RAD50: variants seen among roughly 807,000 people sequenced by gnomAD.
RAD50 encodes the protein RAD50 double strand break repair protein.
Under a neutral mutation model 168.8 loss-of-function variants are expected in RAD50, and 132 were observed. That is an observed-to-expected ratio of 0.78 (90% CI 0.68 to 0.90). RAD50 has a LOEUF of 0.90. Among genes scored for constraint, RAD50 ranks in the 40% least tolerant of loss-of-function variants. The probability of loss-of-function intolerance (pLI) is 0.00; values close to 1 mark genes in which losing one functional copy is unlikely to be tolerated. For synonymous variants in RAD50, 525 were observed against 497.4 expected (o/e 1.06, Z -0.74); for missense variants, 1,347 against 1,534.4 (o/e 0.88, Z 2.04).
chr5:132,602,560 T>A (rs1327126860), intron 13 of RAD50, among the ~76,000 whole-genome samples: 1 of 152,116 alleles, frequency 6.6e-6, no homozygotes, highest in Non-Finnish European at 1.5e-5. Flanking sequence ...TTTCCTGTAA[T>A]TTAAAAAATT....
At chr5:132,641,170 A>G (rs1310671977) in intron 24 of RAD50, among the ~76,000 whole-genome samples, 1 of 152,186 alleles carries the variant, frequency 6.6e-6, no homozygotes, top group Non-Finnish European at 1.5e-5. Flanking sequence ...ATCTGCAGGT[A>G]GTGGTAGTGG....
At chr5:132,632,808 T>G (rs1474963058) in intron 21 of RAD50, among the ~76,000 whole-genome samples, 1 of 152,244 alleles carries the variant, frequency 6.6e-6, no homozygotes, top group Non-Finnish European at 1.5e-5. Context: ...AAGTGCCCAT[T>G]CCATGTCTGG....
In RAD50 at chr5:132,603,993, C is replaced by G. The variant is rs1391693147; in HGVS notation, c.2471C>G (p.Thr824Ser). ...CTACAAGGAATAGACTTAGATCGAACTGTCCAACAAGTCAACCAGGAGAAA... is the reference window on the plus strand; with the variant it reads ...CTACAAGGAATAGACTTAGATCGAAGTGTCCAACAAGTCAACCAGGAGAAA... ...AKLQGIDLDR[T>S]VQQVNQEKQE... The change falls in exon 15 of 25, where the codon ACT becomes AGT. Residue 824 changes from threonine to serine, a missense_variant. Thr to Ser is a moderately conservative substitution (Grantham distance 58, BLOSUM62 1). Transcript: ENST00000378823. 6.2e-7 allele frequency: 1 copy of G among 1,613,504 alleles called. No individual in the cohort carries two copies. Among genetic ancestry groups the G allele is most frequent in the Admixed American group, 1.7e-5 (1 of 59,994 alleles).
intron 1 of RAD50, 22 bp downstream of exon 1, chr5:132,557,475 T>A: frequency 6.2e-7 from 1 of 1,613,928 alleles, no homozygotes; most frequent in Non-Finnish European, 8.5e-7. Flanking sequence ...GTAGCCGCCT[T>A]CAGTTTACAG....
chr5:132,602,073 A>G (rs1260888327), intron 13 of RAD50, among the ~76,000 whole-genome samples: 3 of 152,182 alleles, frequency 2.0e-5, no homozygotes, highest in African/African-American at 7.2e-5. Flanking sequence ...GCACGTGTAT[A>G]CCTATGTAAC....
Position 132,642,521 on chromosome 5 carries a change from A to AAAC in RAD50, c.*158_*160dup. Reference sequence around the variant, plus strand: ...GATGTTGAGAGGTTCTAAAATCATGAAACTTGTTTCACTGAAAATTGGACA... The same window carrying AAAC: ...GATGTTGAGAGGTTCTAAAATCATGAAACAACTTGTTTCACTGAAAATTGGACA... On this transcript the variant is annotated 3_prime_UTR_variant, in exon 25 of 25. Coordinates refer to ENST00000378823, the MANE Select transcript of RAD50 (RefSeq NM_005732.4). The AAAC allele has an allele frequency of 1.4e-6, 1 of 739,846 alleles. No homozygotes were observed. The highest frequency in any genetic ancestry group is 1.9e-5 in the South Asian group (1 of 52,610). 45.8% of individuals were successfully genotyped at this position (739,846 alleles called of 1,614,324 possible).
In RAD50 at chr5:132,609,118, T is replaced by G; in HGVS notation, c.2831T>G (p.Leu944Arg). 6.2e-7 allele frequency: 1 copy of G among 1,611,032 alleles called. No individual in the cohort carries two copies. Among genetic ancestry groups the G allele is most frequent in the Non-Finnish European group, 8.5e-7 (1 of 1,178,870 alleles). ...AATTTAATGAATATTTTTCTACAGC[T>G]GAATGATATTAAAGAGAAGGTTAAA... is the stretch of plus-strand genomic sequence containing the variant. ...NTSNKIAQDKLNDIKEKVKNI... is the reference protein window; with the variant it reads ...NTSNKIAQDKRNDIKEKVKNI... Residue 944 changes from leucine to arginine, a missense_variant and splice_region_variant, in exon 18 of 25, where the codon CTG (leucine) becomes CGG (arginine). By Grantham distance (102) the Leu-to-Arg change is moderately radical. Transcript: ENST00000378823.
In RAD50 at chr5:132,617,649, G is replaced by A. The variant is rs79327056; in HGVS notation, c.3165-421G>A. 1.7e-3 allele frequency among the ~76,000 whole-genome samples: 256 copies of A among 152,140 alleles called. 1 individual carries two copies. Among genetic ancestry groups the A allele is most frequent in the African/African-American group, 5.6e-3 (233 of 41,508 alleles). The stretch of plus-strand genomic sequence containing the variant: ...AGAAAATTAATATATGATTTAATTC[G>A]TATTGTGCCTTTGACATGAGCAAAA... On this transcript the variant is annotated intron_variant, in intron 20 of 24. Transcript: ENST00000378823.
intron 7 of RAD50, 86 bp downstream of exon 7, chr5:132,588,175 C>G: frequency 6.8e-7 from 1 of 1,461,874 alleles, no homozygotes; most frequent in Non-Finnish European, 9.5e-7. Context: ...AGGACTTATG[C>G]TGAGTGAAAA....
intron 19 of RAD50, 101 bp from the exon 20 acceptor site, chr5:132,615,902 A>G: frequency 8.8e-7 from 1 of 1,142,536 alleles, no homozygotes; most frequent in South Asian, 1.3e-5. Context: ...ACATGATTCT[A>G]AGTAAGACAG....
At position 132,631,833 on chromosome 5, in the gene RAD50, A is replaced by T. The variant is rs1419276054; in HGVS notation, c.3390-5282A>T. Among the ~76,000 whole-genome samples, 3 of 152,272 alleles carry T rather than the reference A, an allele frequency of 2.0e-5. No homozygotes were observed. In the East Asian group the frequency reaches 5.8e-4, roughly 29 times the overall value. On this transcript the variant is annotated intron_variant, in intron 21 of 24. Transcript: ENST00000378823. ...CTATCCTCCCACCTTAGCTTCCCAA[A>T]GTGCTGGGATTGCAGGTGTGAGCCA... is the stretch of plus-strand genomic sequence containing the variant.
intron 6 of RAD50, 60 bp from the exon 7 acceptor site, chr5:132,587,864 C>T: frequency 6.4e-7 from 1 of 1,572,442 alleles, no homozygotes; most frequent in Non-Finnish European, 8.7e-7. Flanking sequence ...TTTGATACCT[C>T]AAAGTGATCA....
chr5:132,642,108 C>T (rs2149866736), intron 24 of RAD50, 70 bp from the exon 25 acceptor site: 7 of 1,490,006 alleles, frequency 4.7e-6, no homozygotes, highest in South Asian at 2.3e-5. Context: ...ACAAGGTTTG[C>T]GGTGACTTTT....
intron 2 of RAD50, among the ~76,000 whole-genome samples, chr5:132,564,318 C>G (rs1750172069): frequency 6.6e-6 from 1 of 152,016 alleles, no homozygotes; most frequent in African/African-American, 2.4e-5. Context: ...CTGAGGAGGT[C>G]TCAGATGGAG....
chr5:132,573,332 T>A (rs940157070), intron 2 of RAD50, among the ~76,000 whole-genome samples: 7 of 152,102 alleles, frequency 4.6e-5, no homozygotes, highest in Admixed American at 3.9e-4. Context: ...TGGTGGAAGG[T>A]GAAAGTCATG....
chr5:132,587,211 T>TC (rs764091016), intron 5 of RAD50, among the ~76,000 whole-genome samples: 3 of 152,194 alleles, frequency 2.0e-5, no homozygotes, highest in Non-Finnish European at 4.4e-5. Context: ...TTCTCAGTAG[T>TC]CCTGACTTAA....
intron 2 of RAD50, among the ~76,000 whole-genome samples, chr5:132,563,266 G>A (rs1750152245): frequency 6.6e-6 from 1 of 152,154 alleles, no homozygotes; most frequent in East Asian, 1.9e-4. Context: ...TAATTACAGA[G>A]CACAATTCTT....
In RAD50 at chr5:132,595,596, G is replaced by A. The variant is rs770604218; in HGVS notation, c.1993G>A (p.Val665Ile). 6.2e-7 allele frequency: 1 copy of A among 1,613,550 alleles called. No homozygotes were observed. The highest frequency in any genetic ancestry group is 1.7e-5 in the Admixed American group (1 of 60,020). Residue 665 changes from valine (V) to isoleucine (I), a missense_variant, in exon 13 of 25, where the codon GTT becomes ATT. Physicochemically the swap from Val to Ile is conservative, Grantham distance 29. Coordinates refer to ENST00000378823, the MANE Select transcript of RAD50 (RefSeq NM_005732.4). Reference sequence around the variant, plus strand: ...AGCCATGCTGGCTGGAGCCACAGCAGTTTACTCCCAGTTCATTACTCAGCT... The same window carrying A: ...AGCCATGCTGGCTGGAGCCACAGCAATTTACTCCCAGTTCATTACTCAGCT... ...QRAMLAGATAVYSQFITQLTD... is the reference protein window; with the variant it reads ...QRAMLAGATAIYSQFITQLTD...
intron 16 of RAD50, among the ~76,000 whole-genome samples, chr5:132,606,343 A>G (rs1386003452): frequency 1.3e-5 from 2 of 152,176 alleles, no homozygotes; most frequent in Non-Finnish European, 2.9e-5. Context: ...TACTATAAAC[A>G]CCTCTACGCA....
Sources: gnomAD v4.1 joint callset for allele counts (sites outside exome capture counted in the v4.1 genomes callset) on GRCh38, gnomAD v4.1.1 for gene constraint, MANE v1.5 for transcripts, NCBI Gene and HGNC (gene_info 2026-07-23, HGNC 2026-07-21) for gene names.